The following PDZD8 variants were observed in gnomAD, a reference collection of about 807,000 sequenced individuals.
The protein encoded by PDZD8 is PDZ domain containing 8.
PDZD8 carries 14 observed loss-of-function variants against 85.8 expected under a neutral mutation model. The observed-to-expected ratio is 0.16, with a 90% CI of 0.11 to 0.26. PDZD8 has a LOEUF of 0.26. Ranked by LOEUF, PDZD8 falls within the 10% of genes least tolerant of loss-of-function variation. The pLI, the probability that PDZD8 is intolerant of heterozygous loss-of-function variation, is 1.00. For synonymous variants in PDZD8, 592 were observed against 568.6 expected, an observed-to-expected ratio of 1.04 and a Z score of -0.59; for missense variants, 1,197 against 1,424.3, an observed-to-expected ratio of 0.84 and a Z score of 2.57.
In PDZD8 at chr10:117,336,335, T is replaced by C. The variant is rs73407962; in HGVS notation, c.995+4645A>G. Among the ~76,000 whole-genome samples, 715 of 152,314 alleles carry C rather than the reference T, an allele frequency of 4.7e-3. 3 individuals are homozygous for C. The highest frequency in any genetic ancestry group is 0.016 in the African/African-American group (684 of 41,562). On this transcript the variant is annotated intron_variant, in intron 2 of 4. Coordinates refer to ENST00000334464, the MANE Select transcript of PDZD8 (RefSeq NM_173791.5). Reference sequence around the variant, plus strand: ...GTGAACTCATGATTTCTAAATTACGTATGTGTATGCATGTATAAGTATTGA... The same window carrying C: ...GTGAACTCATGATTTCTAAATTACGCATGTGTATGCATGTATAAGTATTGA...
At chr10:117,323,937 C>T (rs1341161918) in intron 2 of PDZD8, among the ~76,000 whole-genome samples, 2 of 151,958 alleles carry the variant, frequency 1.3e-5, no homozygotes, top group African/African-American at 2.4e-5. Flanking sequence ...ATAAAAAAGA[C>T]AAAAGACAGG....
chr10:117,337,731 C>G (rs1844541582), intron 2 of PDZD8, among the ~76,000 whole-genome samples: 1 of 152,124 alleles, frequency 6.6e-6, no homozygotes, highest in Admixed American at 6.5e-5. Context: ...ATGTGGTAGG[C>G]ATTGTGGGTA....
At chr10:117,370,343 G>GA (rs1845167650) in intron 1 of PDZD8, among the ~76,000 whole-genome samples, 1 of 152,164 alleles carries the variant, frequency 6.6e-6, no homozygotes, top group Non-Finnish European at 1.5e-5. Flanking sequence ...ATCTCTAGGT[G>GA]AAACATCAGG....
chr10:117,348,583 G>A (rs1844747990), intron 1 of PDZD8, among the ~76,000 whole-genome samples: 2 of 152,186 alleles, frequency 1.3e-5, no homozygotes, highest in African/African-American at 4.8e-5. Flanking sequence ...GGCGATGGCT[G>A]CCTTCTCACT....
chr10:117,337,315 C>A (rs1161439620), intron 2 of PDZD8, among the ~76,000 whole-genome samples: 1 of 151,986 alleles, frequency 6.6e-6, no homozygotes, highest in African/African-American at 2.4e-5. Context: ...AATCTGATTG[C>A]AACACTAATG....
At chr10:117,295,709 CA>C (rs1240865736) in intron 3 of PDZD8, among the ~76,000 whole-genome samples, 1 of 152,060 alleles carries the variant, frequency 6.6e-6, no homozygotes, top group Non-Finnish European at 1.5e-5. Flanking sequence ...CCAAGTGAAT[CA>C]ATCAATGTAA....
intron 4 of PDZD8, 81 bp from the exon 5 acceptor site, chr10:117,285,552 T>C: frequency 1.6e-6 from 2 of 1,256,236 alleles, no homozygotes; most frequent in South Asian, 3.7e-5. Flanking sequence ...TTTAATTAAA[T>C]ATATATAATT....
At position 117,306,911 on chromosome 10, in the gene PDZD8, C is replaced by T. The variant is rs371410394; in HGVS notation, c.1098+11961G>A. 2.6e-4 allele frequency among the ~76,000 whole-genome samples: 40 copies of T among 152,214 alleles called. 1 individual carries two copies. The highest frequency in any genetic ancestry group is 9.4e-4 in the African/African-American group (39 of 41,564). ...GCATGTATTACCTAACAAGGACATT[C>T]TCTCACATAACCACAGTATAACTGC... On this transcript the variant is annotated intron_variant, in intron 3 of 4. Coordinates refer to ENST00000334464, the MANE Select transcript of PDZD8 (RefSeq NM_173791.5).
In PDZD8 at chr10:117,283,277, C is replaced by G. The variant is rs771622596; in HGVS notation, c.3456G>C (p.Glu1152Asp). The change falls in exon 5 of 5, where the codon GAG (glutamate) becomes GAC (aspartate). Residue 1152 changes from glutamate to aspartate, a missense_variant. Coordinates refer to ENST00000334464, the MANE Select transcript of PDZD8 (RefSeq NM_173791.5). The part of the protein sequence containing the change: ...SISDDLFGPS[E>D]SV Reference sequence around the variant, plus strand: ...TAAATAGACCTGTCTGCTACACAGACTCGGATGGGCCAAATAAGTCATCTG... The same window carrying G: ...TAAATAGACCTGTCTGCTACACAGAGTCGGATGGGCCAAATAAGTCATCTG... The G allele has an allele frequency of 1.2e-6, 2 of 1,610,656 alleles. No homozygotes were observed. The highest frequency in any genetic ancestry group is 2.2e-5 in the South Asian group (2 of 90,346).
At chr10:117,329,843 G>C (rs1167109461) in intron 2 of PDZD8, among the ~76,000 whole-genome samples, 1 of 151,166 alleles carries the variant, frequency 6.6e-6, no homozygotes, top group African/African-American at 2.4e-5. Context: ...CTACTCGGGA[G>C]GCTGAAGTGG....
intron 1 of PDZD8, among the ~76,000 whole-genome samples, chr10:117,368,856 T>A (rs748545580): frequency 3.1e-5 from 4 of 128,286 alleles, no homozygotes; most frequent in African/African-American, 1.1e-4. Flanking sequence ...ACAATGTTTT[T>A]TTTTTTTTTT....
intron 3 of PDZD8, 82 bp downstream of exon 3, chr10:117,318,790 C>A: frequency 9.8e-7 from 1 of 1,021,702 alleles, no homozygotes; most frequent in South Asian, 1.4e-5. Flanking sequence ...AAAAATAACT[C>A]TAGGAATACA....
chr10:117,328,324 T>C (rs1016311707), intron 2 of PDZD8, among the ~76,000 whole-genome samples: 2 of 152,252 alleles, frequency 1.3e-5, no homozygotes, highest in African/African-American at 4.8e-5. Flanking sequence ...TGGCTCTATG[T>C]TGACTGTCAA....
intron 2 of PDZD8, among the ~76,000 whole-genome samples, chr10:117,322,997 C>CTGAG (rs1379635822): frequency 6.6e-6 from 1 of 152,148 alleles, no homozygotes; most frequent in Non-Finnish European, 1.5e-5. Context: ...TTCTGAAGAG[C>CTGAG]TGAGTACTCA....
At chr10:117,359,367 G>A (rs1029796768) in intron 1 of PDZD8, among the ~76,000 whole-genome samples, 6 of 151,982 alleles carry the variant, frequency 3.9e-5, no homozygotes, top group African/African-American at 1.5e-4. Context: ...ACTGAGCCAT[G>A]AGTGTGCCAC....
intron 2 of PDZD8, among the ~76,000 whole-genome samples, chr10:117,340,267 A>G (rs963639346): frequency 1.3e-5 from 2 of 151,464 alleles, no homozygotes; most frequent in African/African-American, 4.9e-5. Context: ...TGCCAGGCCA[A>G]ACTTTACTGA....
At chr10:117,365,236 A>T (rs1845067650) in intron 1 of PDZD8, among the ~76,000 whole-genome samples, 1 of 152,176 alleles carries the variant, frequency 6.6e-6, no homozygotes, top group Non-Finnish European at 1.5e-5. Context: ...AAAAATTAAC[A>T]AGGAATTGGT....
At chr10:117,353,678 C>G (rs1298052956) in intron 1 of PDZD8, among the ~76,000 whole-genome samples, 1 of 122,234 alleles carries the variant, frequency 8.2e-6, no homozygotes. Flanking sequence ...TCAAAATAAT[C>G]GGGGGAGGGG....
At chr10:117,355,576 G>C (rs1285769725) in intron 1 of PDZD8, among the ~76,000 whole-genome samples, 1 of 152,188 alleles carries the variant, frequency 6.6e-6, no homozygotes, top group Non-Finnish European at 1.5e-5. Context: ...ATAACCTTGA[G>C]CAAACTTCTG....
Sources: gnomAD v4.1 joint callset for allele counts (sites outside exome capture counted in the v4.1 genomes callset) on GRCh38, gnomAD v4.1.1 for gene constraint, MANE v1.5 for transcripts, NCBI Gene and HGNC (gene_info 2026-07-23, HGNC 2026-07-21) for gene names.